ADGRV1: variants seen among roughly 807,000 people sequenced by gnomAD.
ADGRV1 encodes the protein adhesion G protein-coupled receptor V1, also known as G-protein coupled receptor 98.
A neutral mutation model predicts 596.2 loss-of-function variants in ADGRV1; 359 were observed. The ratio of observed to expected loss-of-function variants is 0.60; its 90% confidence interval spans 0.55 to 0.66. The LOEUF (loss-of-function observed/expected upper bound fraction) is 0.66. Ranked by LOEUF, ADGRV1 falls within the 30% of genes least tolerant of loss-of-function variation. The probability of loss-of-function intolerance (pLI) is 0.00; values close to 1 mark genes in which losing one functional copy is unlikely to be tolerated. For missense variants in ADGRV1, 7,274 were observed against 7,575.6 expected (o/e 0.96, Z 1.48); for synonymous variants, 2,681 against 2,679.2 (o/e 1.00, Z -0.02).
chr5:90,718,092 A>C (rs2149755199), intron 43 of ADGRV1: 1 of 152,250 alleles, frequency 6.6e-6, no homozygotes, highest in Middle Eastern at 3.4e-3. Context: ...CTATTTCCAA[A>C]ATTTTTCATC....
chr5:90,735,813 A>G (rs1223447654), intron 50 of ADGRV1, among the ~76,000 whole-genome samples: 1 of 151,584 alleles, frequency 6.6e-6, no homozygotes, highest in East Asian at 2.0e-4. Context: ...AGATTTTTGT[A>G]TGTTGATTTT....
Position 90,617,554 on chromosome 5 carries a change from C to G in ADGRV1, c.208-250C>G, listed in dbSNP as rs944588047. The G allele has an allele frequency of 1.8e-5, 5 of 284,614 alleles. No homozygotes were observed. In the Admixed American group the frequency reaches 2.4e-4, roughly 14 times the overall value. The allele number at this position is 284,614 out of a possible 1,614,324, so 17.6% of individuals were successfully genotyped here. A position where few individuals can be genotyped will look rare whatever the true frequency, so the allele number is the denominator to read the frequency against. On this transcript the variant is annotated intron_variant, in intron 2 of 89. Coordinates refer to ENST00000405460, the MANE Select transcript of ADGRV1 (RefSeq NM_032119.4). ...TGAACTCCTGACCTCGTGATCCGCC[C>G]GTGTCGGCCTCCCAAAGTGCTGGGA...
Position 90,783,905 on chromosome 5 carries a change from C to T in ADGRV1, c.13501C>T (p.Leu4501=), listed in dbSNP as rs1379425182. 6.2e-7 allele frequency: 1 copy of T among 1,612,304 alleles called. No homozygotes were observed. The part of the protein sequence containing the change: ...ATGGAVLGRH[L]VSRIIIAKSD... ...TGGAGGAGCGGTCCTTGGGCGCCAC[C>T]TAGTGAGCAGAATCATAATAGCTAA... Residue 4501 remains leucine, a synonymous_variant, in exon 67 of 90, where the codon CTA becomes TTA. Coordinates refer to ENST00000405460, the MANE Select transcript of ADGRV1 (RefSeq NM_032119.4).
At chr5:90,821,416 C>G (rs1401632687) in intron 75 of ADGRV1, among the ~76,000 whole-genome samples, 18 of 151,754 alleles carry the variant, frequency 1.2e-4, no homozygotes, top group Non-Finnish European at 2.2e-4. Context: ...TCTCTCAGCT[C>G]GTGAAAGTCA....
chr5:90,613,068 C>G (rs1762907266), intron 1 of ADGRV1, among the ~76,000 whole-genome samples: 1 of 152,068 alleles, frequency 6.6e-6, no homozygotes, highest in Non-Finnish European at 1.5e-5. Context: ...ACTGTTCTTA[C>G]TTGTTCATGA....
chr5:90,921,242 C>G (rs759368958), intron 83 of ADGRV1, among the ~76,000 whole-genome samples: 16 of 152,196 alleles, frequency 1.1e-4, no homozygotes, highest in Non-Finnish European at 1.8e-4. Flanking sequence ...TAATATCACA[C>G]TGTGTGAATG....
intron 82 of ADGRV1, among the ~76,000 whole-genome samples, chr5:90,858,586 G>A (rs1485802495): frequency 2.6e-5 from 4 of 151,942 alleles, no homozygotes; most frequent in African/African-American, 9.7e-5. Flanking sequence ...GGACTCAAGC[G>A]ATCTTTCCAC....
At chr5:91,142,353 CT>C (rs1246197741) in intron 87 of ADGRV1, among the ~76,000 whole-genome samples, 2 of 152,064 alleles carry the variant, frequency 1.3e-5, no homozygotes, top group Non-Finnish European at 2.9e-5. Context: ...GAAGGTCTTC[CT>C]TTTTTAATTC....
At chr5:91,086,964 A>G (rs1789930471) in intron 86 of ADGRV1, among the ~76,000 whole-genome samples, 1 of 152,134 alleles carries the variant, frequency 6.6e-6, no homozygotes, top group South Asian at 2.1e-4. Flanking sequence ...ACATCTCGTT[A>G]CTCACCTTCA....
At chr5:90,876,523 G>T (rs778920980) in intron 83 of ADGRV1, among the ~76,000 whole-genome samples, 1 of 152,104 alleles carries the variant, frequency 6.6e-6, no homozygotes, top group Non-Finnish European at 1.5e-5. Flanking sequence ...ACCATTTATT[G>T]TTAACTCACT....
chr5:90,984,757 T>C (rs532890776), intron 84 of ADGRV1, among the ~76,000 whole-genome samples: 4 of 152,258 alleles, frequency 2.6e-5, no homozygotes, highest in Admixed American at 1.3e-4. Context: ...AGAGTATAAA[T>C]TGGGAAACAT....
At chr5:91,092,389 A>G (rs1267427102) in intron 86 of ADGRV1, among the ~76,000 whole-genome samples, 1 of 152,180 alleles carries the variant, frequency 6.6e-6, no homozygotes, top group Non-Finnish European at 1.5e-5. Context: ...GTGAGCCACC[A>G]TGCCTGGCCC....
In ADGRV1 at chr5:91,028,744, T is replaced by TTTTG. The variant is rs1554200340; in HGVS notation, c.18152+43225_18152+43226insGTTT. Reference sequence around the variant, plus strand: ...AACACTAGACTCTGTTTTTTTTTTTTTTTTTTTTTTTAGGAGTCTTGCTTT... The same window carrying TTTTG: ...AACACTAGACTCTGTTTTTTTTTTTTTTTGTTTTTTTTTTTAGGAGTCTTGCTTT... On this transcript the variant is annotated intron_variant, in intron 85 of 89. Coordinates refer to ENST00000405460, the MANE Select transcript of ADGRV1 (RefSeq NM_032119.4). 3.0e-4 allele frequency among the ~76,000 whole-genome samples: 45 copies of TTTTG among 149,362 alleles called. 1 individual carries two copies. Among genetic ancestry groups the TTTTG allele is most frequent in the Non-Finnish European group, 6.2e-4 (42 of 67,316 alleles).
chr5:90,851,703 T>C (rs1218816195), intron 79 of ADGRV1, among the ~76,000 whole-genome samples: 1 of 152,164 alleles, frequency 6.6e-6, no homozygotes, highest in African/African-American at 2.4e-5. Flanking sequence ...GACTGTGGGA[T>C]TGATCAAGGT....
chr5:91,011,186 T>TA (rs1165462039), intron 85 of ADGRV1, among the ~76,000 whole-genome samples: 2 of 151,942 alleles, frequency 1.3e-5, no homozygotes, highest in Non-Finnish European at 2.9e-5. Context: ...GTTGAGGACA[T>TA]AAAAAAGTAG....
intron 21 of ADGRV1, among the ~76,000 whole-genome samples, chr5:90,668,739 T>G (rs1416775113): frequency 1.3e-5 from 2 of 152,182 alleles, no homozygotes; most frequent in African/African-American, 4.8e-5. Context: ...CTATAAAGTG[T>G]TGATATATAG....
rs143991392 is a variant in ADGRV1 at position 90,661,902 on chromosome 5, C to T, written c.4752+3624C>T. Among the ~76,000 whole-genome samples, 539 of 152,054 alleles carry T rather than the reference C, an allele frequency of 3.5e-3. 1 individual carries two copies. Among genetic ancestry groups the T allele is most frequent in the African/African-American group, 0.012 (485 of 41,476 alleles). On this transcript the variant is annotated intron_variant, in intron 21 of 89. Coordinates refer to ENST00000405460, the MANE Select transcript of ADGRV1 (RefSeq NM_032119.4). Reference sequence around the variant, plus strand: ...CATTTCTGTATTAATAATTACATACCGGAGTCTAGTATTTCTGAAAGTGTT... The same window carrying T: ...CATTTCTGTATTAATAATTACATACTGGAGTCTAGTATTTCTGAAAGTGTT...
Position 90,693,979 on chromosome 5 carries a change from T to G in ADGRV1, c.7223T>G (p.Leu2408Arg). The G allele has an allele frequency of 6.2e-7, 1 of 1,612,420 alleles. No individual in the cohort carries two copies. The highest frequency in any genetic ancestry group is 8.5e-7 in the Non-Finnish European group (1 of 1,178,792). ...ALAMEEGQDL[L>R]SYYESPIQGV... is the part of the protein sequence containing the mutation. ...GCAATGGAGGAAGGTCAAGATTTAC[T>G]GTCCTACTATGAATCTCCAATTCAA... The change falls in exon 33 of 90, where the codon CTG (leucine) becomes CGG (arginine). Residue 2408 changes from leucine (L) to arginine (R), a missense_variant. Physicochemically the swap from Leu to Arg is moderately radical, Grantham distance 102 (BLOSUM62 -2). Coordinates refer to ENST00000405460, the MANE Select transcript of ADGRV1 (RefSeq NM_032119.4).
chr5:90,798,586 A>G (rs1000735561), intron 70 of ADGRV1, among the ~76,000 whole-genome samples: 2 of 152,244 alleles, frequency 1.3e-5, no homozygotes, highest in African/African-American at 4.8e-5. Flanking sequence ...TGAGGCCAGC[A>G]TAATTCTGAT....
Sources: allele counts gnomAD v4.1 joint callset (sites outside exome capture counted in the v4.1 genomes callset), GRCh38; gene constraint gnomAD v4.1.1; transcripts MANE v1.5; gene names NCBI Gene and HGNC (gene_info 2026-07-23, HGNC 2026-07-21).